Variants in ADIPOR2 observed in about 807,000 individuals in gnomAD.
ADIPOR2 encodes the protein adiponectin receptor 2.
Under a neutral mutation model 40.9 loss-of-function variants are expected in ADIPOR2, and 18 were observed. The observed-to-expected ratio is 0.44, with a 90% CI of 0.30 to 0.65. The LOEUF (loss-of-function observed/expected upper bound fraction) is 0.65, where lower values mean the gene tolerates loss of function less well. Ranked by LOEUF, ADIPOR2 falls within the 30% of genes least tolerant of loss-of-function variation. The probability of loss-of-function intolerance (pLI) is 0.09; values close to 1 mark genes in which losing one functional copy is unlikely to be tolerated. For synonymous variants in ADIPOR2, 165 were observed against 166.4 expected, an observed-to-expected ratio of 0.99 and a Z score of 0.06; for missense variants, 283 against 479.2, an observed-to-expected ratio of 0.59 and a Z score of 3.82.
intron 1 of ADIPOR2, among the ~76,000 whole-genome samples, chr12:1,707,112 C>G (rs926811781): frequency 1.3e-5 from 2 of 152,162 alleles, no homozygotes; most frequent in African/African-American, 4.8e-5. Flanking sequence ...AGTTTGTTGC[C>G]TTTTATTGCT....
intron 6 of ADIPOR2, among the ~76,000 whole-genome samples, chr12:1,783,281 A>AG (rs1424537648): frequency 6.6e-6 from 1 of 152,170 alleles, no homozygotes; most frequent in Non-Finnish European, 1.5e-5. Flanking sequence ...AGGACAGGCT[A>AG]GGACAGTTTA....
Position 1,754,314 on chromosome 12 carries a change from AT to A in ADIPOR2, c.-29del. On this transcript the variant is annotated 5_prime_UTR_variant, in exon 2 of 8. Coordinates refer to ENST00000357103, the MANE Select transcript of ADIPOR2 (RefSeq NM_024551.3). ...CCAAGAAGAGGGGACAGAAAGACAGATCTATTTGTAAGAAAGGCTTGGGTAT... is the reference window on the plus strand; with the variant it reads ...CCAAGAAGAGGGGACAGAAAGACAGACTATTTGTAAGAAAGGCTTGGGTAT... 2 of 1,560,230 alleles carry A rather than the reference AT, an allele frequency of 1.3e-6. No homozygotes were observed. The highest frequency in any genetic ancestry group is 8.7e-7 in the Non-Finnish European group (1 of 1,154,284).
At chr12:1,691,895 A>G (rs1276661479) in intron 1 of ADIPOR2, among the ~76,000 whole-genome samples, 5 of 152,152 alleles carry the variant, frequency 3.3e-5, no homozygotes, top group African/African-American at 7.2e-5. Context: ...TGAAATTTTG[A>G]CAACTTCATA....
At chr12:1,766,369 G>A (rs1264957714) in intron 2 of ADIPOR2, among the ~76,000 whole-genome samples, 6 of 152,178 alleles carry the variant, frequency 3.9e-5, no homozygotes, top group Non-Finnish European at 7.4e-5. Context: ...AAAGGTCAAG[G>A]TGTATAGTGG....
chr12:1,721,956 A>T (rs897254860), intron 1 of ADIPOR2, among the ~76,000 whole-genome samples: 5 of 152,224 alleles, frequency 3.3e-5, no homozygotes, highest in Non-Finnish European at 5.9e-5. Flanking sequence ...TAAATCATTT[A>T]AGGCTTTGTA....
At chr12:1,752,383 G>A (rs1169160285) in intron 1 of ADIPOR2, among the ~76,000 whole-genome samples, 2 of 152,112 alleles carry the variant, frequency 1.3e-5, no homozygotes, top group South Asian at 2.1e-4. Flanking sequence ...ACAGGCATGA[G>A]CCACTGTGCC....
At chr12:1,712,235 TC>T (rs753511662) in intron 1 of ADIPOR2, among the ~76,000 whole-genome samples, 1 of 152,084 alleles carries the variant, frequency 6.6e-6, no homozygotes, top group Non-Finnish European at 1.5e-5. Context: ...CTCGATTGGT[TC>T]CCCATCCTCT....
At chr12:1,745,054 G>C (rs56401114) in intron 1 of ADIPOR2, among the ~76,000 whole-genome samples, 1 of 152,142 alleles carries the variant, frequency 6.6e-6, no homozygotes, top group South Asian at 2.1e-4. Context: ...TGGATGCCCA[G>C]TGATTTCCCA....
chr12:1,787,921 ACT>A lies in ADIPOR2; in HGVS notation c.*1851_*1852del, dbSNP rs999553972. On this transcript the variant is annotated 3_prime_UTR_variant, in exon 8 of 8. Coordinates refer to ENST00000357103, the MANE Select transcript of ADIPOR2 (RefSeq NM_024551.3). ...AGGTGCTAGGTGGACCGAGCAAAAG[ACT>A]CAGTGGATGAACTGGTGCAGTGCCT... 1.3e-5 allele frequency: 2 copies of A among 152,688 alleles called. No individual in the cohort carries two copies. Among genetic ancestry groups the A allele is most frequent in the Non-Finnish European group, 2.9e-5 (2 of 68,070 alleles). 9.5% of individuals were successfully genotyped at this position (152,688 alleles called of 1,614,324 possible).
At chr12:1,705,433 G>T (rs914514907) in intron 1 of ADIPOR2, among the ~76,000 whole-genome samples, 1 of 152,070 alleles carries the variant, frequency 6.6e-6, no homozygotes, top group Non-Finnish European at 1.5e-5. Flanking sequence ...GAAACTATTC[G>T]ACGCCACAAG....
intron 1 of ADIPOR2, among the ~76,000 whole-genome samples, chr12:1,707,308 A>G (rs57290004): frequency 0.013 from 2,001 of 152,164 alleles, 43 homozygotes; most frequent in African/African-American, 0.046. Context: ...CATATGGTGT[A>G]TATTTTGCAG....
intron 5 of ADIPOR2, 82 bp from the exon 6 acceptor site, chr12:1,780,807 G>C: frequency 1.4e-6 from 2 of 1,419,492 alleles, no homozygotes; most frequent in Non-Finnish European, 1.9e-6. Context: ...GATGGCTTAT[G>C]TCATGAGGGA....
intron 5 of ADIPOR2, 109 bp downstream of exon 5, chr12:1,780,746 T>C: frequency 7.7e-7 from 1 of 1,296,612 alleles, no homozygotes; most frequent in East Asian, 2.6e-5. Context: ...ATGCAAACTT[T>C]TTTTTTTTTA....
intron 1 of ADIPOR2, among the ~76,000 whole-genome samples, chr12:1,711,688 C>G (rs2094677534): frequency 6.6e-6 from 1 of 151,904 alleles, no homozygotes; most frequent in Non-Finnish European, 1.5e-5. Context: ...CTCTGTTTCT[C>G]TCTTTCTGAC....
intron 1 of ADIPOR2, among the ~76,000 whole-genome samples, chr12:1,719,816 A>G (rs1453079226): frequency 6.6e-6 from 1 of 152,032 alleles, no homozygotes; most frequent in Non-Finnish European, 1.5e-5. Flanking sequence ...CTGGGATTAC[A>G]GGTATGTACC....
intron 1 of ADIPOR2, among the ~76,000 whole-genome samples, chr12:1,728,618 G>A (rs1265523172): frequency 6.6e-5 from 10 of 151,922 alleles, no homozygotes; most frequent in Admixed American, 2.6e-4. Context: ...CAGCTACTCC[G>A]GAGGCTGAAG....
intron 1 of ADIPOR2, among the ~76,000 whole-genome samples, chr12:1,736,907 A>G (rs898562500): frequency 3.3e-5 from 5 of 152,142 alleles, no homozygotes; most frequent in African/African-American, 1.2e-4. Context: ...TTCAGTTTCC[A>G]TATAGTTTGT....
intron 1 of ADIPOR2, among the ~76,000 whole-genome samples, chr12:1,707,354 G>A (rs1420292943): frequency 6.6e-6 from 1 of 151,870 alleles, no homozygotes; most frequent in Non-Finnish European, 1.5e-5. Flanking sequence ...CAAACTGATT[G>A]TGCCATTTTA....
chr12:1,777,894 T>C lies in ADIPOR2; in HGVS notation c.332T>C (p.Leu111Pro). The stretch of plus-strand genomic sequence containing the variant: ...TGGCGAGTGATCCCTCATGATGTAC[T>C]ACCAGACTGGCTCAAGGATAATGAC... Reference protein sequence around the residue: ...GRWRVIPHDVLPDWLKDNDFL... With the variant: ...GRWRVIPHDVPPDWLKDNDFL... The change falls in exon 4 of 8, where the codon CTA becomes CCA. Residue 111 changes from leucine (L) to proline (P), a missense_variant. Physicochemically the swap from Leu to Pro is moderately conservative, Grantham distance 98. Transcript: ENST00000357103. The C allele has an allele frequency of 6.2e-7, 1 of 1,614,102 alleles. No individual in the cohort carries two copies. The highest frequency in any genetic ancestry group is 8.5e-7 in the Non-Finnish European group (1 of 1,179,974).
Sources: allele counts gnomAD v4.1 joint callset (sites outside exome capture counted in the v4.1 genomes callset), GRCh38; gene constraint gnomAD v4.1.1; transcripts MANE v1.5; gene names NCBI Gene and HGNC (gene_info 2026-07-23, HGNC 2026-07-21).